Variants in CCSER1 observed in about 807,000 individuals in gnomAD.
The protein encoded by CCSER1 is serine-rich coiled-coil domain-containing protein 1.
CCSER1 carries 41 observed loss-of-function variants against 82.0 expected under a neutral mutation model. That is an observed-to-expected ratio of 0.50 (90% CI 0.39 to 0.65). The LOEUF (loss-of-function observed/expected upper bound fraction) is 0.65, where lower values mean the gene tolerates loss of function less well. CCSER1 is among the 30% of genes least tolerant of loss of function. CCSER1 has a pLI of 0.00. For missense variants in CCSER1, 1,119 were observed against 1,064.2 expected, an observed-to-expected ratio of 1.05 and a Z score of -0.72; for synonymous variants, 414 against 383.9, an observed-to-expected ratio of 1.08 and a Z score of -0.92.
chr4:91,521,523 A>G (rs1276338248), intron 10 of CCSER1, among the ~76,000 whole-genome samples: 1 of 152,152 alleles, frequency 6.6e-6, no homozygotes, highest in Non-Finnish European at 1.5e-5. Context: ...CTGTTTCTCC[A>G]AATCCTCTCC....
chr4:90,828,560 C>G (rs1383610356), intron 8 of CCSER1, among the ~76,000 whole-genome samples: 1 of 152,162 alleles, frequency 6.6e-6, no homozygotes, highest in African/African-American at 2.4e-5. Context: ...CTTTACAACT[C>G]TTTGAGCTAT....
intron 10 of CCSER1, among the ~76,000 whole-genome samples, chr4:91,356,205 G>C (rs1016613535): frequency 6.6e-6 from 1 of 152,218 alleles, no homozygotes; most frequent in Non-Finnish European, 1.5e-5. Flanking sequence ...TACAGTCTGG[G>C]TTAAAACTCC....
chr4:90,614,134 A>G (rs907130861), intron 5 of CCSER1, among the ~76,000 whole-genome samples: 30 of 152,104 alleles, frequency 2.0e-4, no homozygotes, highest in African/African-American at 7.0e-4. Flanking sequence ...TCATTATTAT[A>G]TTAGTTATGG....
chr4:91,127,110 A>T (rs1249541081), intron 10 of CCSER1, among the ~76,000 whole-genome samples: 2 of 152,072 alleles, frequency 1.3e-5, no homozygotes, highest in Non-Finnish European at 1.5e-5. Flanking sequence ...ATCATCGCAT[A>T]CAAAGTACAA....
rs1237183620 is a variant in CCSER1 at position 91,008,815 on chromosome 4, G to A, written c.2173-77135G>A. On this transcript the variant is annotated intron_variant, in intron 9 of 10. Transcript: ENST00000509176. The stretch of plus-strand genomic sequence containing the variant: ...CAAAATGGCAGCAGGCTGCTTCCAA[G>A]ATGGTGGCAAGCCTCGTGTTCTCTG... 2.6e-5 allele frequency among the ~76,000 whole-genome samples: 4 copies of A among 152,230 alleles called. No homozygotes were observed. The East Asian group carries it at 7.7e-4, about 29-fold the overall frequency.
intron 10 of CCSER1, among the ~76,000 whole-genome samples, chr4:91,097,277 T>C (rs1724604041): frequency 6.6e-6 from 1 of 152,198 alleles, no homozygotes; most frequent in African/African-American, 2.4e-5. Flanking sequence ...TGAAATTCTA[T>C]TGAATGTGAT....
At chr4:90,942,665 TA>T (rs35926439) in intron 9 of CCSER1, among the ~76,000 whole-genome samples, 1 of 151,288 alleles carries the variant, frequency 6.6e-6, no homozygotes, top group African/African-American at 2.4e-5. Context: ...CTATCTTTGT[TA>T]AAAAAAAGAA....
intron 1 of CCSER1, among the ~76,000 whole-genome samples, chr4:90,221,070 T>C (rs1399770222): frequency 1.1e-4 from 17 of 152,172 alleles, no homozygotes; most frequent in African/African-American, 3.9e-4. Context: ...TGTCATTTAA[T>C]AAGCAAGGAA....
At chr4:90,802,842 C>T (rs181620385) in intron 7 of CCSER1, among the ~76,000 whole-genome samples, 12 of 152,028 alleles carry the variant, frequency 7.9e-5, no homozygotes, top group South Asian at 4.2e-4. Flanking sequence ...GATTACACAT[C>T]GTTGTGTTTT....
chr4:90,608,447 C>CA (rs1331473213), intron 5 of CCSER1, among the ~76,000 whole-genome samples: 1 of 152,086 alleles, frequency 6.6e-6, no homozygotes, highest in Admixed American at 6.6e-5. Flanking sequence ...ATTATTAACT[C>CA]AAAGACAACC....
In CCSER1 at chr4:91,018,124, G is replaced by A. The variant is rs1739601076; in HGVS notation, c.2173-67826G>A. ...TTTCTCTGGGAAATCTCACTCATGA[G>A]CATGTTTTTTGTTTCAAATTAATAC... On this transcript the variant is annotated intron_variant, in intron 9 of 10. Transcript: ENST00000509176. 2.0e-5 allele frequency among the ~76,000 whole-genome samples: 3 copies of A among 151,984 alleles called. No homozygotes were observed. The South Asian group carries it at 6.2e-4, about 32-fold the overall frequency.
At chr4:91,528,526 G>C (rs777184157) in intron 10 of CCSER1, among the ~76,000 whole-genome samples, 33 of 152,048 alleles carry the variant, frequency 2.2e-4, no homozygotes, top group Non-Finnish European at 3.8e-4. Flanking sequence ...ACATTTCCTC[G>C]GGACTACATG....
chr4:91,225,043 CATA>C (rs1738036498), intron 10 of CCSER1, among the ~76,000 whole-genome samples: 1 of 149,600 alleles, frequency 6.7e-6, no homozygotes, highest in African/African-American at 2.4e-5. Context: ...TATAAAATTT[CATA>C]ATTTTATTTA....
At position 91,455,586 on chromosome 4, in the gene CCSER1, A is replaced by G. The variant is rs562033106; in HGVS notation, c.2218-142986A>G. ...CTTGGACTTCCCAGCCTCCAGAATTATGAGAAATAGATTTCTGTTTTTCAT... is the reference window on the plus strand; with the variant it reads ...CTTGGACTTCCCAGCCTCCAGAATTGTGAGAAATAGATTTCTGTTTTTCAT... On this transcript the variant is annotated intron_variant, in intron 10 of 10. Transcript: ENST00000509176. 3.9e-5 allele frequency among the ~76,000 whole-genome samples: 6 copies of G among 152,158 alleles called. No homozygotes were observed. The South Asian group carries it at 8.3e-4, about 21-fold the overall frequency.
chr4:90,367,511 A>G (rs1746477491), intron 3 of CCSER1, among the ~76,000 whole-genome samples: 1 of 151,934 alleles, frequency 6.6e-6, no homozygotes, highest in Admixed American at 6.6e-5. Context: ...TTGTCTTTAG[A>G]CAAACTTAAA....
chr4:91,593,467 C>CTTTTTTTTTTTTTTTTTTTTTTTTTTT lies in CCSER1; in HGVS notation c.2218-5079_2218-5078insTTTTTTTTTTTTTTTTTTTTTTTTTTT, dbSNP rs753973015. Reference sequence around the variant, plus strand: ...TAACTGTCTTGTTTTCAACCCCGTGCTTTTTTTTTTTTTTTTTTTTTTTTT... The same window carrying CTTTTTTTTTTTTTTTTTTTTTTTTTTT: ...TAACTGTCTTGTTTTCAACCCCGTGCTTTTTTTTTTTTTTTTTTTTTTTTTTTTTTTTTTTTTTTTTTTTTTTTTTTT... On this transcript the variant is annotated intron_variant, in intron 10 of 10. Coordinates refer to ENST00000509176, the MANE Select transcript of CCSER1 (RefSeq NM_001145065.2). Among the ~76,000 whole-genome samples, 2 of 55,020 alleles carry CTTTTTTTTTTTTTTTTTTTTTTTTTTT rather than the reference C, an allele frequency of 3.6e-5. 1 individual carries two copies. The highest frequency in any genetic ancestry group is 1.5e-4 in the African/African-American group (2 of 13,608). 36.1% of individuals were successfully genotyped at this position (55,020 alleles called of 152,430 possible).
chr4:90,388,978 C>T (rs941262922), intron 3 of CCSER1, among the ~76,000 whole-genome samples: 4 of 152,154 alleles, frequency 2.6e-5, no homozygotes, highest in Admixed American at 6.5e-5. Flanking sequence ...ATGTTTATCT[C>T]ATAGTATTGT....
chr4:91,044,846 T>G (rs1486169412), intron 9 of CCSER1, among the ~76,000 whole-genome samples: 1 of 152,222 alleles, frequency 6.6e-6, no homozygotes, highest in African/African-American at 2.4e-5. Flanking sequence ...GTGCTATTTT[T>G]CTTGCATATA....
chr4:90,389,058 G>A (rs890486371), intron 3 of CCSER1, among the ~76,000 whole-genome samples: 2 of 152,220 alleles, frequency 1.3e-5, no homozygotes, highest in Non-Finnish European at 2.9e-5. Flanking sequence ...CCACAAAAAT[G>A]TCCATTTTTT....
Sources: gnomAD v4.1 joint callset for allele counts (sites outside exome capture counted in the v4.1 genomes callset) on GRCh38, gnomAD v4.1.1 for gene constraint, MANE v1.5 for transcripts, NCBI Gene and HGNC (gene_info 2026-07-23, HGNC 2026-07-21) for gene names.